Variants in PLPPR5 observed in about 807,000 individuals in gnomAD.
PLPPR5 encodes the protein phospholipid phosphatase related 5, also known as phospholipid phosphatase-related protein type 5.
Under a neutral mutation model 33.9 loss-of-function variants are expected in PLPPR5, and 16 were observed. That is an observed-to-expected ratio of 0.47 (90% confidence interval 0.32 to 0.72). The LOEUF (loss-of-function observed/expected upper bound fraction) is 0.72. Among genes scored for constraint, PLPPR5 ranks in the 30% least tolerant of loss-of-function variants. The probability of loss-of-function intolerance (pLI) is 0.03; values close to 1 mark genes in which losing one functional copy is unlikely to be tolerated. For synonymous variants in PLPPR5, 163 were observed against 150.3 expected (o/e 1.08, Z -0.62); for missense variants, 301 against 406.7 (o/e 0.74, Z 2.23).
chr1:98,936,599 G>A (rs559069180), intron 3 of PLPPR5, among the ~76,000 whole-genome samples: 1 of 152,338 alleles, frequency 6.6e-6, no homozygotes, highest in Non-Finnish European at 1.5e-5. Context: ...AGACTGGAGT[G>A]GTGAAGAGGC....
intron 5 of PLPPR5, among the ~76,000 whole-genome samples, chr1:98,908,953 A>AAGC (rs780457148): frequency 2.6e-4 from 40 of 152,306 alleles, no homozygotes; most frequent in Non-Finnish European, 4.7e-4. Context: ...GAAGCACTGG[A>AAGC]ACCTCCTTAG....
intron 3 of PLPPR5, among the ~76,000 whole-genome samples, chr1:98,938,535 T>TATATAA (rs1293270438): frequency 1.3e-5 from 2 of 148,280 alleles, no homozygotes; most frequent in African/African-American, 4.9e-5. Flanking sequence ...TTTATATATT[T>TATATAA]ATATAAATAT....
At chr1:98,907,856 T>A (rs951603103) in intron 5 of PLPPR5, among the ~76,000 whole-genome samples, 5 of 152,210 alleles carry the variant, frequency 3.3e-5, no homozygotes, top group African/African-American at 1.2e-4. Context: ...AGACTACTGA[T>A]TAGTTCAGTC....
chr1:98,944,580 T>C (rs990146718), intron 3 of PLPPR5, among the ~76,000 whole-genome samples: 1 of 152,248 alleles, frequency 6.6e-6, no homozygotes, highest in African/African-American at 2.4e-5. Context: ...TTGGACTTTC[T>C]AGTCTCCAAA....
chr1:98,968,368 T>A (rs2101242435), intron 1 of PLPPR5, among the ~76,000 whole-genome samples: 1 of 152,210 alleles, frequency 6.6e-6, no homozygotes, highest in African/African-American at 2.4e-5. Flanking sequence ...AGCTTTCCAG[T>A]TTTTCTAAAA....
At chr1:99,001,858 C>T (rs1318970116) in intron 1 of PLPPR5, among the ~76,000 whole-genome samples, 1 of 151,450 alleles carries the variant, frequency 6.6e-6, no homozygotes, top group African/African-American at 2.4e-5. Flanking sequence ...CTGGGTGTAA[C>T]ATTCTTAGCC....
intron 5 of PLPPR5, among the ~76,000 whole-genome samples, chr1:98,897,595 T>C (rs577608751): frequency 6.6e-6 from 1 of 152,290 alleles, no homozygotes; most frequent in South Asian, 2.1e-4. Flanking sequence ...ACAATCAGCA[T>C]AGGGTTTTAA....
At chr1:98,907,063 C>A (rs1207490884) in intron 5 of PLPPR5, among the ~76,000 whole-genome samples, 1 of 152,112 alleles carries the variant, frequency 6.6e-6, no homozygotes, top group Admixed American at 6.6e-5. Context: ...CCCACCACGG[C>A]ATTATTTGTT....
At chr1:98,926,768 A>G (rs895974799) in intron 3 of PLPPR5, among the ~76,000 whole-genome samples, 2 of 152,250 alleles carry the variant, frequency 1.3e-5, no homozygotes, top group Middle Eastern at 3.2e-3. Context: ...ACAAGACAGC[A>G]TCAAGGACAG....
intron 1 of PLPPR5, among the ~76,000 whole-genome samples, chr1:99,003,056 CAT>C (rs59686592): frequency 0.14 from 10,995 of 80,496 alleles, 381 homozygotes; most frequent in African/African-American, 0.15. Context: ...ACTTATTTTA[CAT>C]ATATATATAT....
At chr1:98,958,834 T>C (rs1418676660) in intron 1 of PLPPR5, among the ~76,000 whole-genome samples, 1 of 152,050 alleles carries the variant, frequency 6.6e-6, no homozygotes, top group African/African-American at 2.4e-5. Flanking sequence ...TAACAATGCA[T>C]CATCCACTCC....
intron 5 of PLPPR5, among the ~76,000 whole-genome samples, chr1:98,900,056 C>A (rs1450469484): frequency 1.3e-5 from 2 of 152,050 alleles, no homozygotes; most frequent in African/African-American, 2.4e-5. Flanking sequence ...TGTAAAATCC[C>A]AACTTAACTC....
chr1:98,918,585 T>G (rs1258385440), intron 4 of PLPPR5, among the ~76,000 whole-genome samples: 1 of 152,294 alleles, frequency 6.6e-6, no homozygotes, highest in East Asian at 1.9e-4. Flanking sequence ...ACATAATTCC[T>G]TATTAAATTA....
At chr1:98,915,448 C>T (rs756701399) in intron 4 of PLPPR5, among the ~76,000 whole-genome samples, 3 of 152,068 alleles carry the variant, frequency 2.0e-5, no homozygotes, top group Non-Finnish European at 4.4e-5. Flanking sequence ...GGCAATCCAA[C>T]AATAGCTTAC....
intron 1 of PLPPR5, among the ~76,000 whole-genome samples, chr1:98,982,778 G>A (rs1652103026): frequency 1.3e-5 from 2 of 152,092 alleles, no homozygotes; most frequent in East Asian, 1.9e-4. Context: ...AAGCAGGAGA[G>A]GCACTGCTGA....
At chr1:98,992,710 C>T (rs1362385687) in intron 1 of PLPPR5, among the ~76,000 whole-genome samples, 3 of 152,082 alleles carry the variant, frequency 2.0e-5, no homozygotes, top group Admixed American at 2.0e-4. Context: ...CAGTATTTAA[C>T]TATAAATACA....
chr1:98,917,231 GTTACTGAATC>G (rs1316580078), intron 4 of PLPPR5, among the ~76,000 whole-genome samples: 3 of 152,134 alleles, frequency 2.0e-5, no homozygotes, highest in African/African-American at 7.2e-5. Context: ...TACTTGACCA[GTTACTGAATC>G]TGCTCAATGT....
chr1:98,960,467 G>T (rs145467930), intron 1 of PLPPR5, among the ~76,000 whole-genome samples: 1 of 152,120 alleles, frequency 6.6e-6, no homozygotes, highest in South Asian at 2.1e-4. Context: ...GCCTCCCGAC[G>T]TGCTAGGATT....
chr1:98,924,340 A>G (rs1649674335), intron 3 of PLPPR5, among the ~76,000 whole-genome samples: 1 of 152,198 alleles, frequency 6.6e-6, no homozygotes, highest in Non-Finnish European at 1.5e-5. Context: ...ACAGGCGTAA[A>G]TGGAAAGTAG....
Sources: gnomAD v4.1 joint callset for allele counts (sites outside exome capture counted in the v4.1 genomes callset) on GRCh38, gnomAD v4.1.1 for gene constraint, MANE v1.5 for transcripts, NCBI Gene and HGNC (gene_info 2026-07-23, HGNC 2026-07-21) for gene names.